Variants in SOX5 observed in about 807,000 individuals in gnomAD.
SOX5 encodes the protein SRY-box transcription factor 5.
SOX5 carries 9 observed loss-of-function variants against 92.0 expected under a neutral mutation model. The observed-to-expected ratio is 0.10, with a 90% CI of 0.06 to 0.17. The LOEUF (loss-of-function observed/expected upper bound fraction) is 0.17. Ranked by LOEUF, SOX5 falls within the 10% of genes least tolerant of loss-of-function variation. The probability of loss-of-function intolerance (pLI) is 1.00; values close to 1 mark genes in which losing one functional copy is unlikely to be tolerated. For missense variants in SOX5, 642 were observed against 944.5 expected (o/e 0.68, Z 4.20); for synonymous variants, 344 against 336.3 (o/e 1.02, Z -0.25).
chr12:23,596,635 G>A (rs540180865), intron 9 of SOX5, among the ~76,000 whole-genome samples: 1 of 152,044 alleles, frequency 6.6e-6, no homozygotes, highest in Admixed American at 6.6e-5. Flanking sequence ...CAATAGTTTA[G>A]CATAAAAAAT....
intron 1 of SOX5, among the ~76,000 whole-genome samples, chr12:24,530,885 A>C (rs531535323): frequency 6.6e-6 from 1 of 152,190 alleles, no homozygotes; most frequent in Non-Finnish European, 1.5e-5. Context: ...GGGATGTCAC[A>C]ATGAGGAATC....
chr12:24,257,507 C>A (rs1182477738), intron 3 of SOX5, among the ~76,000 whole-genome samples: 1 of 151,888 alleles, frequency 6.6e-6, no homozygotes, highest in Admixed American at 6.5e-5. Flanking sequence ...CTTGCTCTGT[C>A]GCCCACGCTG....
At chr12:23,709,451 C>G (rs2091814510) in intron 6 of SOX5, among the ~76,000 whole-genome samples, 1 of 152,042 alleles carries the variant, frequency 6.6e-6, no homozygotes, top group Non-Finnish European at 1.5e-5. Context: ...CTCTAGTATA[C>G]CCAGACCCTT....
At position 24,478,050 on chromosome 12, in the gene SOX5, T is replaced by A. The variant is rs568709068; in HGVS notation, c.-251+84279A>T. ...CCCTCAAAATCAATATAATTCAATA[T>A]GTAAAAGTGAATTTGTCTAACACCT... is the stretch of plus-strand genomic sequence containing the variant. On this transcript the variant is annotated intron_variant, in intron 1 of 4. Coordinates refer to the SOX5 transcript ENST00000446891. Among the ~76,000 whole-genome samples the A allele has an allele frequency of 2.0e-5, 3 of 152,306 alleles. No individual in the cohort carries two copies. The East Asian group carries it at 5.8e-4, about 29-fold the overall frequency.
chr12:24,274,510 G>A (rs188786707), intron 3 of SOX5, among the ~76,000 whole-genome samples: 2 of 152,196 alleles, frequency 1.3e-5, no homozygotes, highest in East Asian at 3.9e-4. Flanking sequence ...TGAGAAGTCT[G>A]AGCAATAGCA....
At chr12:23,783,020 C>T (rs2095312517) in intron 3 of SOX5, among the ~76,000 whole-genome samples, 1 of 152,132 alleles carries the variant, frequency 6.6e-6, no homozygotes, top group Non-Finnish European at 1.5e-5. Flanking sequence ...AGTTCAAATG[C>T]TCCTTTCTTA....
chr12:23,889,124 T>C (rs1166195989), intron 2 of SOX5, among the ~76,000 whole-genome samples: 2 of 152,216 alleles, frequency 1.3e-5, no homozygotes, highest in Admixed American at 6.5e-5. Flanking sequence ...ATTACACTTT[T>C]GTTCAGAGTA....
chr12:23,571,859 T>C (rs780204910), intron 10 of SOX5, among the ~76,000 whole-genome samples: 3 of 152,162 alleles, frequency 2.0e-5, no homozygotes, highest in Non-Finnish European at 4.4e-5. Flanking sequence ...TATATGGATA[T>C]CTACTCCATC....
intron 7 of SOX5, among the ~76,000 whole-genome samples, chr12:23,641,122 T>G (rs2079998698): frequency 6.6e-6 from 1 of 152,140 alleles, no homozygotes; most frequent in Non-Finnish European, 1.5e-5. Context: ...CTCATCCTTT[T>G]TTCATGATGT....
At chr12:24,126,274 G>A (rs765219040) in intron 4 of SOX5, among the ~76,000 whole-genome samples, 13 of 151,862 alleles carry the variant, frequency 8.6e-5, no homozygotes, top group Non-Finnish European at 1.8e-4. Flanking sequence ...ATGTCCCAAC[G>A]CCCACTTAAT....
intron 1 of SOX5, among the ~76,000 whole-genome samples, chr12:24,530,180 G>C (rs1291593550): frequency 6.6e-6 from 1 of 152,106 alleles, no homozygotes; most frequent in Non-Finnish European, 1.5e-5. Flanking sequence ...AACAACTAAC[G>C]TCTATTTGAA....
At chr12:24,439,154 G>A (rs960375867) in intron 1 of SOX5, among the ~76,000 whole-genome samples, 2 of 152,210 alleles carry the variant, frequency 1.3e-5, no homozygotes, top group African/African-American at 4.8e-5. Flanking sequence ...AAAGGATTAC[G>A]ACTCACTGAA....
At chr12:23,842,219 C>T (rs147829011) in intron 3 of SOX5, among the ~76,000 whole-genome samples, 1 of 152,170 alleles carries the variant, frequency 6.6e-6, no homozygotes, top group Non-Finnish European at 1.5e-5. Flanking sequence ...TTCTGATACT[C>T]TTCTACATGT....
At chr12:23,640,714 C>T (rs1199761807) in intron 8 of SOX5, 98 bp downstream of exon 8, 12 of 801,458 alleles carry the variant, frequency 1.5e-5, no homozygotes, top group Admixed American at 2.2e-5. Flanking sequence ...AAGTGTGAGA[C>T]GAATATCACG....
chr12:23,814,414 C>T (rs763895079), intron 3 of SOX5, among the ~76,000 whole-genome samples: 1 of 152,130 alleles, frequency 6.6e-6, no homozygotes, highest in African/African-American at 2.4e-5. Flanking sequence ...TGAGAGGTTC[C>T]TGTAGAAAGC....
At chr12:23,838,163 ATATATT>A (rs2135817649) in intron 3 of SOX5, among the ~76,000 whole-genome samples, 1 of 142,990 alleles carries the variant, frequency 7.0e-6, no homozygotes, top group South Asian at 2.1e-4. Flanking sequence ...TTTATATAAT[ATATATT>A]TATATTACAT....
intron 4 of SOX5, among the ~76,000 whole-genome samples, chr12:24,203,022 T>C (rs1957680229): frequency 6.6e-6 from 1 of 152,216 alleles, no homozygotes; most frequent in Non-Finnish European, 1.5e-5. Context: ...CTGAAACTAT[T>C]ATGACTGTGG....
intron 9 of SOX5, among the ~76,000 whole-genome samples, chr12:23,602,402 T>A (rs1271679907): frequency 6.6e-6 from 1 of 152,134 alleles, no homozygotes; most frequent in Non-Finnish European, 1.5e-5. Context: ...GACTGCTCAA[T>A]AAACATTTGA....
At chr12:24,026,293 A>G (rs1003682331) in intron 4 of SOX5, among the ~76,000 whole-genome samples, 1 of 152,056 alleles carries the variant, frequency 6.6e-6, no homozygotes, top group Non-Finnish European at 1.5e-5. Flanking sequence ...TCTGCATTAG[A>G]TATTCCGAGT....
Sources: gnomAD v4.1 joint callset for allele counts (sites outside exome capture counted in the v4.1 genomes callset) on GRCh38, gnomAD v4.1.1 for gene constraint, MANE v1.5 for transcripts, NCBI Gene and HGNC (gene_info 2026-07-23, HGNC 2026-07-21) for gene names.